The following NAALADL2 variants were observed in gnomAD, a reference collection of about 807,000 sequenced individuals.
NAALADL2 encodes inactive N-acetylated-alpha-linked acidic dipeptidase-like protein 2.
In NAALADL2, 76 loss-of-function variants were observed where a neutral mutation model predicts 87.2. That is an observed-to-expected ratio of 0.87 (90% CI 0.72 to 1.05). The LOEUF (loss-of-function observed/expected upper bound fraction) is 1.05. Among genes scored for constraint, NAALADL2 ranks in the 50% least tolerant of loss-of-function variants. The pLI, the probability that NAALADL2 is intolerant of heterozygous loss-of-function variation, is 0.00. For missense variants in NAALADL2, 1,089 were observed against 945.8 expected (o/e 1.15, Z -1.99); for synonymous variants, 354 against 331.0 (o/e 1.07, Z -0.75).
At chr3:174,965,231 A>G (rs1232595179) in intron 1 of NAALADL2, among the ~76,000 whole-genome samples, 3 of 152,124 alleles carry the variant, frequency 2.0e-5, no homozygotes, top group Non-Finnish European at 2.9e-5. Context: ...GGAGGCCACA[A>G]TTCCTTGCAC....
At chr3:175,487,631 A>T (rs1727487810) in intron 9 of NAALADL2, 1 of 410,218 alleles carries the variant, frequency 2.4e-6, no homozygotes, top group African/African-American at 2.1e-5. Context: ...CTATGAAGAT[A>T]TTAAATATTT....
intron 3 of NAALADL2, among the ~76,000 whole-genome samples, chr3:174,849,045 G>T (rs1724948462): frequency 6.6e-6 from 1 of 152,078 alleles, no homozygotes; most frequent in Non-Finnish European, 1.5e-5. Context: ...TGATATAAAA[G>T]ATTAGAAATG....
In NAALADL2 at chr3:174,970,220, A is replaced by G. The variant is rs186159971; in HGVS notation, c.43+110770A>G. On this transcript the variant is annotated intron_variant, in intron 1 of 13. Coordinates refer to ENST00000454872, the MANE Select transcript of NAALADL2 (RefSeq NM_207015.3). Reference sequence around the variant, plus strand: ...TTTCATACAGGAACATTAACACAGCATAAAGCCAATCCCAAGACTACATTT... The same window carrying G: ...TTTCATACAGGAACATTAACACAGCGTAAAGCCAATCCCAAGACTACATTT... Among the ~76,000 whole-genome samples the G allele has an allele frequency of 1.1e-4, 17 of 152,348 alleles. No homozygotes were observed. In the East Asian group the frequency reaches 2.5e-3, roughly 22 times the overall value.
At chr3:175,193,079 G>A (rs754994666) in intron 2 of NAALADL2, among the ~76,000 whole-genome samples, 7 of 151,776 alleles carry the variant, frequency 4.6e-5, no homozygotes, top group African/African-American at 7.3e-5. Flanking sequence ...TTTGAAAGTC[G>A]CCTGACTTTT....
chr3:175,003,248 T>C (rs555413713), intron 1 of NAALADL2, among the ~76,000 whole-genome samples: 93 of 152,136 alleles, frequency 6.1e-4, no homozygotes, highest in Admixed American at 1.1e-3. Context: ...TTGGGCACTG[T>C]GGTTCACACA....
intron 11 of NAALADL2, among the ~76,000 whole-genome samples, chr3:175,658,937 C>G (rs142060682): frequency 8.5e-5 from 13 of 152,278 alleles, no homozygotes; most frequent in African/African-American, 3.1e-4. Flanking sequence ...CACATGCACA[C>G]ACACACAGTT....
chr3:175,208,816 C>A (rs991962131), intron 2 of NAALADL2, among the ~76,000 whole-genome samples: 2 of 152,058 alleles, frequency 1.3e-5, no homozygotes, highest in African/African-American at 2.4e-5. Flanking sequence ...TAAAGAATAA[C>A]CATGAATCGT....
intron 6 of NAALADL2, among the ~76,000 whole-genome samples, chr3:175,451,182 T>G (rs1486172232): frequency 1.3e-5 from 2 of 152,164 alleles, no homozygotes; most frequent in Non-Finnish European, 2.9e-5. Flanking sequence ...TATTTATATT[T>G]GGTTTTTGGT....
chr3:175,388,752 A>G (rs762185212), intron 5 of NAALADL2, among the ~76,000 whole-genome samples: 5 of 152,024 alleles, frequency 3.3e-5, no homozygotes, highest in Non-Finnish European at 7.4e-5. Flanking sequence ...CATCTGAACT[A>G]TTTCTTAGTG....
chr3:175,048,053 T>A (rs1754898231), intron 1 of NAALADL2, among the ~76,000 whole-genome samples: 1 of 152,198 alleles, frequency 6.6e-6, no homozygotes. Context: ...AACCTTTTAC[T>A]ATGTCTTTGG....
At chr3:174,869,646 C>T (rs1264109722) in intron 1 of NAALADL2, among the ~76,000 whole-genome samples, 1 of 151,982 alleles carries the variant, frequency 6.6e-6, no homozygotes, top group Non-Finnish European at 1.5e-5. Flanking sequence ...GTGTTGAATC[C>T]ATGAAACATA....
At chr3:175,656,420 C>T (rs1731469649) in intron 11 of NAALADL2, among the ~76,000 whole-genome samples, 1 of 152,008 alleles carries the variant, frequency 6.6e-6, no homozygotes, top group African/African-American at 2.4e-5. Context: ...TGCTTTGAAC[C>T]TTCTGAGGAT....
intron 3 of NAALADL2, among the ~76,000 whole-genome samples, chr3:174,848,799 G>A (rs1246001719): frequency 6.6e-6 from 1 of 152,132 alleles, no homozygotes; most frequent in African/African-American, 2.4e-5. Flanking sequence ...ACCATAGAGT[G>A]TACTTCATAG....
intron 1 of NAALADL2, among the ~76,000 whole-genome samples, chr3:174,879,946 T>C (rs1728990627): frequency 6.6e-6 from 1 of 152,094 alleles, no homozygotes; most frequent in Non-Finnish European, 1.5e-5. Flanking sequence ...TCATCCTCCC[T>C]GTATCCCTGG....
At chr3:175,321,715 C>A (rs1759900334) in intron 4 of NAALADL2, among the ~76,000 whole-genome samples, 1 of 131,460 alleles carries the variant, frequency 7.6e-6, no homozygotes, top group African/African-American at 3.1e-5. Context: ...AGAGCCAAAT[C>A]ATGAGTGAAC....
chr3:175,128,697 T>C (rs1278869336), intron 2 of NAALADL2, among the ~76,000 whole-genome samples: 2 of 152,180 alleles, frequency 1.3e-5, no homozygotes, highest in African/African-American at 4.8e-5. Flanking sequence ...AAAGCTCCAG[T>C]GCATTCTTTT....
chr3:175,368,146 G>A (rs1033685645), intron 5 of NAALADL2, among the ~76,000 whole-genome samples: 10 of 152,080 alleles, frequency 6.6e-5, no homozygotes, highest in Non-Finnish European at 1.0e-4. Flanking sequence ...CTGTTTATAC[G>A]CTGGATTACA....
chr3:175,521,915 T>A (rs949029205), intron 9 of NAALADL2, among the ~76,000 whole-genome samples: 20 of 152,182 alleles, frequency 1.3e-4, no homozygotes, highest in Non-Finnish European at 2.9e-4. Context: ...AGAAAATTCT[T>A]GATGATAGAT....
intron 5 of NAALADL2, among the ~76,000 whole-genome samples, chr3:175,366,115 T>A (rs1765533282): frequency 7.2e-6 from 1 of 138,382 alleles, no homozygotes; most frequent in Admixed American, 7.7e-5. Context: ...AGTGTTTGGT[T>A]TTTTGTCCTT....
Sources: gnomAD v4.1 joint callset for allele counts (sites outside exome capture counted in the v4.1 genomes callset) on GRCh38, gnomAD v4.1.1 for gene constraint, MANE v1.5 for transcripts, NCBI Gene and HGNC (gene_info 2026-07-23, HGNC 2026-07-21) for gene names.